KLHL29: variants seen among roughly 807,000 people sequenced by gnomAD.
KLHL29 encodes kelch-like protein 29.
Under a neutral mutation model 80.4 loss-of-function variants are expected in KLHL29, and 21 were observed. The observed-to-expected ratio is 0.26, with a 90% CI of 0.19 to 0.38. KLHL29 has a LOEUF of 0.38. Ranked by LOEUF, KLHL29 falls within the 10% of genes least tolerant of loss-of-function variation. KLHL29 has a pLI of 1.00. For synonymous variants in KLHL29, 511 were observed against 526.8 expected, an observed-to-expected ratio of 0.97 and a Z score of 0.41; for missense variants, 867 against 1,223.9, an observed-to-expected ratio of 0.71 and a Z score of 4.35.
intron 3 of KLHL29, among the ~76,000 whole-genome samples, chr2:23,627,061 G>A (rs774416039): frequency 9.2e-5 from 14 of 152,200 alleles, no homozygotes; most frequent in Admixed American, 3.3e-4. Flanking sequence ...CCCCAGCACC[G>A]CTCCTGGGGA....
chr2:23,540,326 C>T (rs990701686), intron 2 of KLHL29, among the ~76,000 whole-genome samples: 7 of 152,254 alleles, frequency 4.6e-5, no homozygotes, highest in Admixed American at 6.5e-5. Context: ...TTCAGTTCCT[C>T]GATCATGCTG....
At chr2:23,675,782 T>C (rs1670902640) in intron 5 of KLHL29, among the ~76,000 whole-genome samples, 1 of 152,246 alleles carries the variant, frequency 6.6e-6, no homozygotes, top group African/African-American at 2.4e-5. Flanking sequence ...ATCGCCGTTA[T>C]TAGCACCAGT....
At chr2:23,555,129 C>CG (rs1024516193) in intron 2 of KLHL29, among the ~76,000 whole-genome samples, 23 of 147,086 alleles carry the variant, frequency 1.6e-4, no homozygotes, top group African/African-American at 5.8e-4. Context: ...CTCCCCCCCC[C>CG]CCTCAACTTG....
At chr2:23,502,619 C>T (rs898986928) in intron 2 of KLHL29, among the ~76,000 whole-genome samples, 1 of 152,260 alleles carries the variant, frequency 6.6e-6, no homozygotes, top group Non-Finnish European at 1.5e-5. Context: ...AATTCATCCC[C>T]CTCGTGTTTG....
chr2:23,684,443 A>G lies in KLHL29; in HGVS notation c.985A>G (p.Thr329Ala). The G allele has an allele frequency of 1.3e-6, 2 of 1,550,854 alleles. No individual in the cohort carries two copies. Among genetic ancestry groups the G allele is most frequent in the Non-Finnish European group, 1.7e-6 (2 of 1,146,722 alleles). Residue 329 changes from threonine to alanine, a missense_variant, in exon 6 of 14, where the codon ACA (threonine) becomes GCA (alanine). Coordinates refer to ENST00000486442, the MANE Select transcript of KLHL29 (RefSeq NM_052920.2). This position sits in a 1 kb window ranked among gnomAD's most constrained non-coding sequence, Gnocchi z 4.4. The stretch of plus-strand genomic sequence containing the variant: ...CCAGCAACGCAGAGCGAAAGCGTTT[A>G]CAGACCTGAAAATTGTTGTTGAAGG... ...LNQQRRAKAF[T>A]DLKIVVEGRE...
At chr2:23,642,915 A>T in intron 5 of KLHL29, 65 bp downstream of exon 5, 1 of 1,526,560 alleles carries the variant, frequency 6.6e-7, no homozygotes, top group South Asian at 1.2e-5. Flanking sequence ...CGGTCACTGC[A>T]ACACCACCGG....
Position 23,476,282 on chromosome 2 carries a change from GTAAT to G in KLHL29, c.-46+619_-46+622del, listed in dbSNP as rs1357319982. Reference sequence around the variant, plus strand: ...ATGACCTTTAACCTCCTTAAAAACTGTAATTAAGTTTTATAATTAAGTTTTGGTA... The same window carrying G: ...ATGACCTTTAACCTCCTTAAAAACTGTAAGTTTTATAATTAAGTTTTGGTA... On this transcript the variant is annotated intron_variant, in intron 2 of 13. Transcript: ENST00000486442. Among the ~76,000 whole-genome samples, 4 of 151,868 alleles carry G rather than the reference GTAAT, an allele frequency of 2.6e-5. No homozygotes were observed. The East Asian group carries it at 7.7e-4, about 29-fold the overall frequency.
intron 2 of KLHL29, among the ~76,000 whole-genome samples, chr2:23,497,474 C>T (rs1416635810): frequency 6.6e-6 from 1 of 152,198 alleles, no homozygotes; most frequent in East Asian, 1.9e-4. Context: ...CTGGGGGAGA[C>T]GGTGCAATAA....
At chr2:23,606,573 C>G (rs1179936483) in intron 3 of KLHL29, among the ~76,000 whole-genome samples, 1 of 152,242 alleles carries the variant, frequency 6.6e-6, no homozygotes, top group Non-Finnish European at 1.5e-5. Flanking sequence ...AATTCCTTGT[C>G]TTATAAACGC....
chr2:23,598,476 C>A (rs1049921619), intron 3 of KLHL29, among the ~76,000 whole-genome samples: 1 of 152,140 alleles, frequency 6.6e-6, no homozygotes, highest in Non-Finnish European at 1.5e-5. Context: ...ACACACACAC[C>A]TGCCCTGGCT....
chr2:23,444,788 A>G (rs1323519957), intron 1 of KLHL29, among the ~76,000 whole-genome samples: 3 of 152,208 alleles, frequency 2.0e-5, no homozygotes, highest in Non-Finnish European at 1.5e-5. Context: ...TCCTTAGAAT[A>G]TATCCCGTTA....
chr2:23,435,645 A>AT (rs1166352264), intron 1 of KLHL29, among the ~76,000 whole-genome samples: 4 of 152,244 alleles, frequency 2.6e-5, no homozygotes, highest in African/African-American at 9.6e-5. Flanking sequence ...CCGAACTTAA[A>AT]TTAACTGTTT....
intron 3 of KLHL29, among the ~76,000 whole-genome samples, chr2:23,628,739 C>T (rs1396832853): frequency 2.0e-5 from 3 of 151,968 alleles, no homozygotes; most frequent in African/African-American, 7.3e-5. Flanking sequence ...GGGAGTCCAC[C>T]TGTGGCCCCA....
rs1217007128 is a variant in KLHL29 at position 23,707,747 on chromosome 2, A to G, written c.*1083A>G. On this transcript the variant is annotated 3_prime_UTR_variant, in exon 14 of 14. Transcript: ENST00000486442. ...TATAAAGCACAGGAGACTATTTTTG[A>G]TATTCATAGCTATATATTAAGGCAC... 6.6e-6 allele frequency: 1 copy of G among 152,176 alleles called. No individual in the cohort carries two copies. Among genetic ancestry groups the G allele is most frequent in the African/African-American group, 2.4e-5 (1 of 41,440 alleles). The allele number at this position is 152,176 out of a possible 1,614,324, so 9.4% of individuals were successfully genotyped here.
intron 5 of KLHL29, among the ~76,000 whole-genome samples, chr2:23,661,257 G>A (rs76157714): frequency 0.035 from 5,354 of 151,224 alleles, 97 homozygotes; most frequent in South Asian, 0.07. Flanking sequence ...TGGAAGTATT[G>A]CCTGAGCCGA....
chr2:23,438,934 G>C (rs188051165), intron 1 of KLHL29, among the ~76,000 whole-genome samples: 1 of 140,808 alleles, frequency 7.1e-6, no homozygotes, highest in Non-Finnish European at 1.5e-5. Context: ...TGAATCCATC[G>C]GGTCCTGGAC....
intron 3 of KLHL29, among the ~76,000 whole-genome samples, chr2:23,632,072 C>T (rs1669482595): frequency 6.6e-6 from 1 of 152,168 alleles, no homozygotes. Context: ...AGGGTGGGGT[C>T]CAGAAACTTC....
intron 2 of KLHL29, among the ~76,000 whole-genome samples, chr2:23,554,281 CTA>C (rs1463329934): frequency 6.6e-6 from 1 of 152,230 alleles, no homozygotes; most frequent in Non-Finnish European, 1.5e-5. Context: ...GAAAGGGAAA[CTA>C]AAATAATAAA....
chr2:23,476,940 A>C (rs1376503773), intron 2 of KLHL29, among the ~76,000 whole-genome samples: 1 of 152,242 alleles, frequency 6.6e-6, no homozygotes, highest in Non-Finnish European at 1.5e-5. Flanking sequence ...CTGGAGCTGG[A>C]GTTGACAACG....
Sources: gnomAD v4.1 joint callset for allele counts (sites outside exome capture counted in the v4.1 genomes callset) on GRCh38, gnomAD v4.1.1 for gene constraint, Gnocchi (gnomAD v3.1) non-coding constraint, MANE v1.5 for transcripts, NCBI Gene and HGNC (gene_info 2026-07-23, HGNC 2026-07-21) for gene names.